Variants in COMMD1 observed in about 807,000 individuals in gnomAD.
The protein encoded by COMMD1 is copper metabolism domain containing 1.
Under a neutral mutation model 17.2 loss-of-function variants are expected in COMMD1, and 10 were observed. That is an observed-to-expected ratio of 0.58 (90% confidence interval 0.36 to 0.99). The LOEUF (loss-of-function observed/expected upper bound fraction) is 0.99, where lower values mean the gene tolerates loss of function less well. COMMD1 is among the 50% of genes least tolerant of loss of function. The pLI is 0.01. For synonymous variants in COMMD1, 97 were observed against 91.6 expected (o/e 1.06, Z -0.34); for missense variants, 270 against 231.8 (o/e 1.17, Z -1.07).
chr2:61,937,400 G>A (rs1572980252), intron 1 of COMMD1, among the ~76,000 whole-genome samples: 1 of 152,298 alleles, frequency 6.6e-6, no homozygotes, highest in South Asian at 2.1e-4. Context: ...TTTTAATTTT[G>A]TCCCATAGTA....
intron 1 of COMMD1, among the ~76,000 whole-genome samples, chr2:61,908,191 C>A (rs1408667709): frequency 1.3e-5 from 2 of 150,772 alleles, no homozygotes; most frequent in Admixed American, 1.3e-4. Flanking sequence ...AAACCGTGGG[C>A]TCAGGATGAC....
At chr2:61,902,312 C>A (rs549146660), upstream of COMMD1, among the ~76,000 whole-genome samples, 2 of 151,620 alleles carry the variant, frequency 1.3e-5, no homozygotes, top group East Asian at 2.0e-4. Flanking sequence ...TCGAGACCAG[C>A]GTGCCCAAGA....
upstream of COMMD1, among the ~76,000 whole-genome samples, chr2:61,904,434 A>G (rs1669724386): frequency 6.6e-6 from 1 of 152,222 alleles, no homozygotes; most frequent in South Asian, 2.1e-4. Flanking sequence ...ATTTCAGAAC[A>G]TCAGTTCTTA....
intron 2 of COMMD1, among the ~76,000 whole-genome samples, chr2:62,093,427 T>G (rs1317981102): frequency 1.3e-5 from 2 of 152,194 alleles, no homozygotes; most frequent in African/African-American, 2.4e-5. Context: ...AGTCATTTTG[T>G]GAATAAACTG....
chr2:62,044,187 A>G (rs1481262742), intron 2 of COMMD1, among the ~76,000 whole-genome samples: 4 of 152,172 alleles, frequency 2.6e-5, no homozygotes, highest in Non-Finnish European at 4.4e-5. Context: ...TTGGCAGCCA[A>G]TTTATAATCA....
At position 61,938,296 on chromosome 2, in the gene COMMD1, T is replaced by A. The variant is rs374149628; in HGVS notation, c.180+32438T>A. 5.6e-3 allele frequency among the ~76,000 whole-genome samples: 758 copies of A among 136,022 alleles called. 11 individuals carry two copies. Among genetic ancestry groups the A allele is most frequent in the African/African-American group, 0.019 (663 of 34,588 alleles). 89.2% of individuals were successfully genotyped at this position (136,022 alleles called of 152,430 possible). A position where few individuals can be genotyped will look rare whatever the true frequency, so the allele number is the denominator to read the frequency against. ...TTAAGAGACCAAAAAAAAAAAAAAA[T>A]GGTGAGGTATGATCTTCTGGGGGCA... On this transcript the variant is annotated intron_variant, in intron 1 of 2. Transcript: ENST00000311832.
At chr2:61,994,822 A>ATG in intron 1 of COMMD1, among the ~76,000 whole-genome samples, 1 of 152,304 alleles carries the variant, frequency 6.6e-6, no homozygotes, top group Admixed American at 6.5e-5. Context: ...TTCTTATACT[A>ATG]TGACCCAAAA....
rs767142777 is a variant in COMMD1 at position 61,913,366 on chromosome 2, CAAAAAAAAAAAA to C, written c.180+7517_180+7528del. On this transcript the variant is annotated intron_variant, in intron 1 of 2. Coordinates refer to ENST00000311832, the MANE Select transcript of COMMD1 (RefSeq NM_152516.4). ...TGGGCAACAGAGTGAGACTCCATCT[CAAAAAAAAAAAA>C]AAAAAAAAGAGAAAAGTGGCCGGGC... is the stretch of plus-strand genomic sequence containing the variant. Among the ~76,000 whole-genome samples the C allele has an allele frequency of 2.1e-3, 90 of 41,994 alleles. 1 individual carries two copies. The highest frequency in any genetic ancestry group is 6.4e-3 in the African/African-American group (79 of 12,438). 27.5% of individuals were successfully genotyped at this position (41,994 alleles called of 152,430 possible).
chr2:61,966,860 AAAT>A (rs2103711360), intron 1 of COMMD1, among the ~76,000 whole-genome samples: 1 of 152,204 alleles, frequency 6.6e-6, no homozygotes, highest in South Asian at 2.1e-4. Flanking sequence ...ACCTGTGATA[AAAT>A]AATAAGGCTT....
intron 1 of COMMD1, among the ~76,000 whole-genome samples, chr2:61,959,154 C>G (rs1301584226): frequency 6.6e-6 from 1 of 152,104 alleles, no homozygotes; most frequent in Non-Finnish European, 1.5e-5. Context: ...GATGGTTTCA[C>G]CATGTGCTTA....
intron 1 of COMMD1, among the ~76,000 whole-genome samples, chr2:61,982,060 T>C (rs888074711): frequency 6.6e-6 from 1 of 152,246 alleles, no homozygotes; most frequent in Non-Finnish European, 1.5e-5. Context: ...GCATTGAATC[T>C]GTAGATTGCT....
chr2:61,986,986 T>A (rs569905174), intron 1 of COMMD1, among the ~76,000 whole-genome samples: 1 of 152,346 alleles, frequency 6.6e-6, no homozygotes. Flanking sequence ...CCATTCTTCA[T>A]TATGTCAATT....
rs1018004133 is a variant in COMMD1 at position 62,115,933 on chromosome 2, A to G, written c.463-19898A>G. 3.4e-5 allele frequency among the ~76,000 whole-genome samples: 5 copies of G among 145,784 alleles called. No homozygotes were observed. The Admixed American group carries it at 3.6e-4, about 10-fold the overall frequency. ...GAGTGCATGATCTTGGCTCACTGCA[A>G]CTTCTGCTTCCTGGGCTCAATTGAT... On this transcript the variant is annotated intron_variant, in intron 2 of 2. Coordinates refer to ENST00000311832, the MANE Select transcript of COMMD1 (RefSeq NM_152516.4).
intron 2 of COMMD1, among the ~76,000 whole-genome samples, chr2:62,025,676 T>A (rs1241280383): frequency 6.6e-6 from 1 of 152,104 alleles, no homozygotes; most frequent in African/African-American, 2.4e-5. Context: ...TGTTTTTTTG[T>A]GTGTCTGTGT....
At chr2:62,091,229 T>C (rs540833444) in intron 2 of COMMD1, among the ~76,000 whole-genome samples, 3 of 152,378 alleles carry the variant, frequency 2.0e-5, no homozygotes, top group African/African-American at 7.2e-5. Context: ...TATTATCTTT[T>C]AAAGCAGCTT....
intron 2 of COMMD1, among the ~76,000 whole-genome samples, chr2:62,059,502 AT>A (rs760368965): frequency 6.6e-6 from 1 of 152,008 alleles, no homozygotes; most frequent in Non-Finnish European, 1.5e-5. Context: ...GTAATACTCT[AT>A]CTTGGAGTCT....
chr2:61,926,817 C>T (rs1375302515), intron 1 of COMMD1, among the ~76,000 whole-genome samples: 1 of 152,044 alleles, frequency 6.6e-6, no homozygotes, highest in African/African-American at 2.4e-5. Context: ...CTTGCTCTTT[C>T]CTCTTTAAAT....
intron 1 of COMMD1, among the ~76,000 whole-genome samples, chr2:61,897,511 G>A (rs1047064953): frequency 6.6e-6 from 1 of 152,180 alleles, no homozygotes; most frequent in African/African-American, 2.4e-5. Context: ...TACTTGGGAG[G>A]CCGAGGTGGG....
At chr2:62,022,295 G>C (rs1303907935) in intron 2 of COMMD1, among the ~76,000 whole-genome samples, 4 of 150,998 alleles carry the variant, frequency 2.6e-5, no homozygotes, top group Non-Finnish European at 5.9e-5. Context: ...TCCTCTGTCA[G>C]ACTCTTAAGA....
Sources: gnomAD v4.1 joint callset for allele counts (sites outside exome capture counted in the v4.1 genomes callset) on GRCh38, gnomAD v4.1.1 for gene constraint, MANE v1.5 for transcripts, NCBI Gene and HGNC (gene_info 2026-07-23, HGNC 2026-07-21) for gene names.